TCF12: variants seen among roughly 807,000 people sequenced by gnomAD.
The protein encoded by TCF12 is transcription factor 12, also known as DNA-binding protein HTF4.
TCF12 carries 45 observed loss-of-function variants against 86.0 expected under a neutral mutation model. The ratio of observed to expected loss-of-function variants is 0.52; its 90% CI spans 0.41 to 0.67. The LOEUF is 0.67. Ranked by LOEUF, TCF12 falls within the 30% of genes least tolerant of loss-of-function variation. The pLI is 0.00. For missense variants in TCF12, 881 were observed against 859.9 expected (o/e 1.02, Z -0.31); for synonymous variants, 330 against 299.6 (o/e 1.10, Z -1.05).
At chr15:56,941,699 T>TA (rs1398819615) in intron 3 of TCF12, among the ~76,000 whole-genome samples, 3 of 151,310 alleles carry the variant, frequency 2.0e-5, no homozygotes, top group African/African-American at 4.9e-5. Context: ...TTTTTTTTTT[T>TA]ATTAGGAATT....
chr15:57,084,373 T>A (rs1276556144), intron 4 of TCF12, among the ~76,000 whole-genome samples: 3 of 152,166 alleles, frequency 2.0e-5, no homozygotes, highest in Non-Finnish European at 4.4e-5. Flanking sequence ...TCTTTAGGAT[T>A]TGATGTAGTG....
At position 57,049,655 on chromosome 15, in the gene TCF12, A is replaced by G. The variant is rs117478049; in HGVS notation, c.149-14095A>G. On this transcript the variant is annotated intron_variant, in intron 3 of 20. Coordinates refer to ENST00000333725, the MANE Select transcript of TCF12 (RefSeq NM_207037.2). ...CTGTTTCAAGTTTTTGGCTATTACAAATAAAGCTGCTATAAACAGTTTTGT... is the reference window on the plus strand; with the variant it reads ...CTGTTTCAAGTTTTTGGCTATTACAGATAAAGCTGCTATAAACAGTTTTGT... Among the ~76,000 whole-genome samples, 1,223 of 152,320 alleles carry G rather than the reference A, an allele frequency of 8.0e-3. 6 individuals are homozygous for G. Among genetic ancestry groups the G allele is most frequent in the Middle Eastern group, 0.014 (4 of 294 alleles).
intron 5 of TCF12, among the ~76,000 whole-genome samples, chr15:57,157,126 G>A (rs550348514): frequency 6.6e-6 from 1 of 152,102 alleles, no homozygotes; most frequent in Admixed American, 6.5e-5. Flanking sequence ...GAGTAAATAG[G>A]GTTAAGGCAT....
intron 6 of TCF12, among the ~76,000 whole-genome samples, chr15:57,180,928 C>T (rs2151641066): frequency 6.7e-6 from 1 of 149,616 alleles, no homozygotes; most frequent in Admixed American, 6.8e-5. Flanking sequence ...CATTCTCCTG[C>T]CTCAGCCTCC....
intron 3 of TCF12, among the ~76,000 whole-genome samples, chr15:57,038,362 A>G (rs1471563338): frequency 2.7e-5 from 4 of 148,174 alleles, no homozygotes; most frequent in Non-Finnish European, 4.4e-5. Flanking sequence ...CAGGAGTTGG[A>G]GGTTGCAGTG....
At chr15:56,941,002 C>G (rs1198427112) in intron 3 of TCF12, among the ~76,000 whole-genome samples, 2 of 149,342 alleles carry the variant, frequency 1.3e-5, no homozygotes, top group African/African-American at 4.9e-5. Flanking sequence ...CTCAAGCAGT[C>G]TTCTCACCTC....
At chr15:56,919,046 G>C (rs2059632218) in intron 1 of TCF12, 140 bp downstream of exon 1, 2 of 151,876 alleles carry the variant, frequency 1.3e-5, no homozygotes, top group Admixed American at 6.6e-5. Flanking sequence ...CGAAACCCGG[G>C]GTCCCCTCCA....
intron 18 of TCF12, among the ~76,000 whole-genome samples, chr15:57,272,426 A>T (rs2061185758): frequency 1.3e-5 from 2 of 152,224 alleles, no homozygotes; most frequent in Non-Finnish European, 2.9e-5. Flanking sequence ...AGAACAAAAA[A>T]ATAGCCGTTT....
intron 3 of TCF12, among the ~76,000 whole-genome samples, chr15:57,007,500 A>G (rs1687229607): frequency 6.6e-6 from 1 of 152,226 alleles, no homozygotes; most frequent in Non-Finnish European, 1.5e-5. Context: ...TTGTTATAAG[A>G]GAAAGAATTA....
intron 3 of TCF12, among the ~76,000 whole-genome samples, chr15:57,007,838 TTC>T (rs769805869): frequency 2.4e-4 from 32 of 135,544 alleles, no homozygotes; most frequent in Middle Eastern, 3.5e-3. Context: ...CTTTCTTTCT[TTC>T]TCTCTTTCCC....
intron 3 of TCF12, among the ~76,000 whole-genome samples, chr15:57,060,884 G>C (rs1051643746): frequency 1.3e-5 from 2 of 152,142 alleles, no homozygotes; most frequent in Non-Finnish European, 2.9e-5. Flanking sequence ...TTCTGTGTTT[G>C]TACAGCCATT....
chr15:57,070,623 A>G (rs1184094136), intron 4 of TCF12, among the ~76,000 whole-genome samples: 2 of 152,194 alleles, frequency 1.3e-5, no homozygotes, highest in African/African-American at 2.4e-5. Context: ...GCTAAAGGGA[A>G]CTTTAATTTT....
chr15:57,052,774 A>T (rs554001512), intron 3 of TCF12, among the ~76,000 whole-genome samples: 2 of 152,304 alleles, frequency 1.3e-5, no homozygotes, highest in East Asian at 3.9e-4. Context: ...ATTGAAGGTG[A>T]TACAGAGTAA....
intron 8 of TCF12, among the ~76,000 whole-genome samples, chr15:57,198,390 CTTTCAAGCAACTAG>C (rs2057374980): frequency 6.6e-6 from 1 of 152,092 alleles, no homozygotes; most frequent in South Asian, 2.1e-4. Flanking sequence ...ATCAGGAAAG[CTTTCAAGCAACTAG>C]TTTGTTGATC....
At chr15:56,934,962 C>G (rs1373994567) in intron 3 of TCF12, among the ~76,000 whole-genome samples, 2 of 152,200 alleles carry the variant, frequency 1.3e-5, no homozygotes, top group African/African-American at 2.4e-5. Context: ...CTCAGCTTCT[C>G]TCTTTGTAAT....
intron 8 of TCF12, among the ~76,000 whole-genome samples, chr15:57,225,554 T>C (rs1241630673): frequency 6.6e-6 from 1 of 152,110 alleles, no homozygotes; most frequent in Non-Finnish European, 1.5e-5. Flanking sequence ...CAAGGATATA[T>C]GCTTTTTATC....
At chr15:57,017,731 T>C (rs1485864063) in intron 3 of TCF12, among the ~76,000 whole-genome samples, 1 of 150,766 alleles carries the variant, frequency 6.6e-6, no homozygotes, top group African/African-American at 2.4e-5. Context: ...TCTTTCTTTT[T>C]TTTTTTTTTT....
At chr15:57,030,701 CTCT>C (rs1212215700) in intron 3 of TCF12, among the ~76,000 whole-genome samples, 1 of 152,174 alleles carries the variant, frequency 6.6e-6, no homozygotes, top group Non-Finnish European at 1.5e-5. Flanking sequence ...TCTTCCTCTT[CTCT>C]TCTTTTTCTG....
At chr15:57,101,206 T>C (rs2049720136) in intron 5 of TCF12, among the ~76,000 whole-genome samples, 1 of 151,926 alleles carries the variant, frequency 6.6e-6, no homozygotes. Context: ...TTTTGTTTTT[T>C]GTTTTGTTTT....
Sources: allele counts gnomAD v4.1 joint callset (sites outside exome capture counted in the v4.1 genomes callset), GRCh38; gene constraint gnomAD v4.1.1; transcripts MANE v1.5; gene names NCBI Gene and HGNC (gene_info 2026-07-23, HGNC 2026-07-21).